Variants in DOCK10 observed in about 807,000 individuals in gnomAD.
The protein encoded by DOCK10 is dedicator of cytokinesis protein 10.
Under a neutral mutation model 280.1 loss-of-function variants are expected in DOCK10, and 145 were observed. The ratio of observed to expected loss-of-function variants is 0.52; its 90% confidence interval spans 0.45 to 0.59. The LOEUF is 0.59. DOCK10 is among the 20% of genes least tolerant of loss of function. The pLI is 0.00. For missense variants in DOCK10, 2,368 were observed against 2,651.7 expected, an observed-to-expected ratio of 0.89 and a Z score of 2.35; for synonymous variants, 915 against 942.2, an observed-to-expected ratio of 0.97 and a Z score of 0.53.
chr2:224,811,929 G>A (rs201429923), intron 31 of DOCK10, among the ~76,000 whole-genome samples: 32,792 of 151,386 alleles, frequency 0.22, 5,062 homozygotes, highest in East Asian at 0.75. Flanking sequence ...TGATGCCTCC[G>A]GCTTTGTTCT....
At chr2:224,777,860 A>G (rs752204598) in intron 51 of DOCK10, among the ~76,000 whole-genome samples, 3 of 152,198 alleles carry the variant, frequency 2.0e-5, no homozygotes, top group African/African-American at 7.2e-5. Context: ...ACTGAGCCCA[A>G]TTACTTTCAG....
intron 1 of DOCK10, among the ~76,000 whole-genome samples, chr2:225,029,274 T>C (rs2106120002): frequency 6.6e-6 from 1 of 152,312 alleles, no homozygotes; most frequent in South Asian, 2.1e-4. Flanking sequence ...CAGGTTCAAA[T>C]GATTTTCCTC....
At chr2:224,826,988 C>A (rs756518755) in intron 27 of DOCK10, among the ~76,000 whole-genome samples, 1 of 149,286 alleles carries the variant, frequency 6.7e-6, no homozygotes, top group Non-Finnish European at 1.5e-5. Flanking sequence ...ATGGGCCATG[C>A]GTGGTGGCTC....
intron 13 of DOCK10, among the ~76,000 whole-genome samples, chr2:224,863,382 C>G (rs371795392): frequency 5.3e-5 from 8 of 152,282 alleles, no homozygotes; most frequent in African/African-American, 1.9e-4. Flanking sequence ...TGCTAAGATT[C>G]AATTCTTGTA....
chr2:224,830,224 T>C (rs1695137817), intron 27 of DOCK10, among the ~76,000 whole-genome samples: 1 of 152,204 alleles, frequency 6.6e-6, no homozygotes, highest in Non-Finnish European at 1.5e-5. Context: ...AGACTCTTCC[T>C]AGCCAATCCT....
intron 1 of DOCK10, among the ~76,000 whole-genome samples, chr2:224,979,746 C>A (rs1046050201): frequency 6.6e-6 from 1 of 152,210 alleles, no homozygotes; most frequent in Non-Finnish European, 1.5e-5. Flanking sequence ...CCCTATTGAA[C>A]GTCTTACCGT....
chr2:224,770,070 G>A lies in DOCK10; in HGVS notation c.6444+141C>T, dbSNP rs1359192002. The A allele has an allele frequency of 1.0e-6, 1 of 961,080 alleles. No individual in the cohort carries two copies. 59.5% of individuals were successfully genotyped at this position (961,080 alleles called of 1,614,324 possible). A position where few individuals can be genotyped will look rare whatever the true frequency, so the allele number is the denominator to read the frequency against. ...TTTGGGGCACGAGGTGGTGTGCACGGGAGAGAGAACAGATCAGCAACATGG... is the reference window on the plus strand; with the variant it reads ...TTTGGGGCACGAGGTGGTGTGCACGAGAGAGAGAACAGATCAGCAACATGG... On this transcript the variant is annotated intron_variant, in intron 55 of 55. Transcript: ENST00000258390. The surrounding 1 kb of genome is among the most constrained non-coding windows in gnomAD (Gnocchi z 4.5).
chr2:224,778,238 G>C lies in DOCK10; in HGVS notation c.5702C>G (p.Pro1901Arg), dbSNP rs1192013787. 6.2e-7 allele frequency: 1 copy of C among 1,609,974 alleles called. No individual in the cohort carries two copies. Among genetic ancestry groups the C allele is most frequent in the African/African-American group, 1.3e-5 (1 of 74,966 alleles). ...EEGKEYIYKE[P>R]KLTGLSEISQ... ...AATCTCGGACAGACCTGTCAGCTTAGGCTCTTTATAAATATACTCTTTACC... is the reference window on the plus strand; with the variant it reads ...AATCTCGGACAGACCTGTCAGCTTACGCTCTTTATAAATATACTCTTTACC... The change falls in exon 51 of 56, where the codon CCT (proline) becomes CGT (arginine). Residue 1901 changes from proline to arginine, a missense_variant. Transcript: ENST00000258390.
intron 1 of DOCK10, chr2:224,946,952 C>T (rs768303550): frequency 2.4e-4 from 362 of 1,540,040 alleles, no homozygotes; most frequent in Non-Finnish European, 6.2e-5. Flanking sequence ...GAAAACTCAT[C>T]GTATTGCTAT....
chr2:224,770,229 G>A lies in DOCK10; in HGVS notation c.6426C>T (p.Ser2142=). 6.3e-7 allele frequency: 1 copy of A among 1,595,116 alleles called. No homozygotes were observed. Among genetic ancestry groups the A allele is most frequent in the Non-Finnish European group, 8.5e-7 (1 of 1,171,178 alleles). The change falls in exon 55 of 56, where the codon TCC becomes TCT. Residue 2142 remains serine, a synonymous_variant. Coordinates refer to ENST00000258390, the MANE Select transcript of DOCK10 (RefSeq NM_014689.3). The surrounding 1 kb of genome is among the most constrained non-coding windows in gnomAD (Gnocchi z 4.5). ...CGCTCACCTGCTCATTCATGACTGT[G>A]GAGAGTTCGCTGAGCATGTCCTTGT... The part of the protein sequence containing the change: ...SHYKDMLSEL[S]TVMNEQITGR...
At chr2:224,896,613 AGGCTGAG>A in intron 3 of DOCK10, among the ~76,000 whole-genome samples, 1 of 152,304 alleles carries the variant, frequency 6.6e-6, no homozygotes. Context: ...CCTACTCGGG[AGGCTGAG>A]ACATGAGAAT....
chr2:224,773,152 C>G lies in DOCK10; in HGVS notation c.6204+5G>C, dbSNP rs371930913. The G allele has an allele frequency of 1.9e-5, 31 of 1,605,222 alleles. No individual in the cohort carries two copies. The highest frequency in any genetic ancestry group is 1.7e-4 in the Middle Eastern group (1 of 6,048). ...GCATCTCAGCCCTGGGCAATGCTTACTCACCTTCACGCTGACACTTCCTTG... is the reference window on the plus strand; with the variant it reads ...GCATCTCAGCCCTGGGCAATGCTTAGTCACCTTCACGCTGACACTTCCTTG... On this transcript the variant is annotated splice_donor_5th_base_variant and intron_variant, in intron 53 of 55. Transcript: ENST00000258390.
At chr2:224,808,266 A>G (rs1693529871) in intron 31 of DOCK10, among the ~76,000 whole-genome samples, 180 bp from the exon 32 acceptor site, 1 of 152,204 alleles carries the variant, frequency 6.6e-6, no homozygotes, top group African/African-American at 2.4e-5. Flanking sequence ...TAAGGGGACT[A>G]TTCTGTGTAG....
chr2:224,819,401 A>G (rs768042986), intron 29 of DOCK10, 45 bp downstream of exon 29: 20 of 1,289,230 alleles, frequency 1.6e-5, no homozygotes, highest in Non-Finnish European at 1.9e-5. Flanking sequence ...ATTTATTTAC[A>G]ATGCCATAGT....
At chr2:224,773,794 G>A (rs1690623411) in intron 52 of DOCK10, among the ~76,000 whole-genome samples, 5 of 151,940 alleles carry the variant, frequency 3.3e-5, no homozygotes, top group Non-Finnish European at 7.4e-5. Flanking sequence ...ACCATGCTCA[G>A]CTAATTTTTG....
chr2:224,808,116 A>G, intron 31 of DOCK10, 30 bp from the exon 32 acceptor site: 1 of 1,582,954 alleles, frequency 6.3e-7, no homozygotes, highest in Non-Finnish European at 8.6e-7. Flanking sequence ...AACTCATGTT[A>G]TTGAAAATCA....
At chr2:224,766,125 T>G (rs1690067134) in intron 55 of DOCK10, among the ~76,000 whole-genome samples, 1 of 152,188 alleles carries the variant, frequency 6.6e-6, no homozygotes, top group Non-Finnish European at 1.5e-5. Context: ...ATTCCAGGAT[T>G]TTATTCTATT....
intron 31 of DOCK10, among the ~76,000 whole-genome samples, chr2:224,810,233 A>G (rs1217166485): frequency 2.6e-5 from 4 of 152,182 alleles, no homozygotes; most frequent in African/African-American, 9.6e-5. Context: ...CAATCTATGC[A>G]TGTAACAAAA....
chr2:224,772,796 T>C (rs1343760611), intron 53 of DOCK10, among the ~76,000 whole-genome samples: 3 of 152,242 alleles, frequency 2.0e-5, no homozygotes, highest in African/African-American at 7.2e-5. Flanking sequence ...TGGATTTGTT[T>C]CAAAACAATT....
Sources: gnomAD v4.1 joint callset for allele counts (sites outside exome capture counted in the v4.1 genomes callset) on GRCh38, gnomAD v4.1.1 for gene constraint, Gnocchi (gnomAD v3.1) non-coding constraint, MANE v1.5 for transcripts, NCBI Gene and HGNC (gene_info 2026-07-23, HGNC 2026-07-21) for gene names.